FAM149B1: variants seen among roughly 807,000 people sequenced by gnomAD.
FAM149B1 encodes the protein primary cilium assembly protein FAM149B1.
A neutral mutation model predicts 75.3 loss-of-function variants in FAM149B1; 56 were observed. The ratio of observed to expected loss-of-function variants is 0.74; its 90% confidence interval spans 0.60 to 0.93. FAM149B1 has a LOEUF of 0.93. Ranked by LOEUF, FAM149B1 falls within the 40% of genes least tolerant of loss-of-function variation. The probability of loss-of-function intolerance (pLI) is 0.00; values close to 1 mark genes in which losing one functional copy is unlikely to be tolerated. For synonymous variants in FAM149B1, 259 were observed against 256.1 expected (o/e 1.01, Z -0.11); for missense variants, 639 against 708.4 (o/e 0.90, Z 1.11).
intron 5 of FAM149B1, among the ~76,000 whole-genome samples, chr10:73,202,032 G>C (rs1358745704): frequency 6.6e-6 from 1 of 152,126 alleles, no homozygotes; most frequent in East Asian, 1.9e-4. Flanking sequence ...AGGCGTGGTG[G>C]CACACACCTG....
intron 8 of FAM149B1, among the ~76,000 whole-genome samples, chr10:73,229,235 G>A (rs966752258): frequency 1.3e-5 from 2 of 151,894 alleles, no homozygotes; most frequent in Non-Finnish European, 2.9e-5. Flanking sequence ...GTTTCCTGGT[G>A]TTACTTTTAA....
Position 73,235,313 on chromosome 10 carries a change from T to C in FAM149B1, c.1597T>C (p.Phe533Leu), listed in dbSNP as rs1458735654. Reference sequence around the variant, plus strand: ...CCCCAGGCCCAACACAACTCAATCATTTTTGGTAGAGTGACGTACTTCCTA... The same window carrying C: ...CCCCAGGCCCAACACAACTCAATCACTTTTGGTAGAGTGACGTACTTCCTA... ...FFPRPNTTQS[F>L]LLDTQYRRSC... Residue 533 changes from phenylalanine to leucine, a missense_variant, in exon 12 of 14, where the codon TTT becomes CTT. Physicochemically the swap from Phe to Leu is conservative, Grantham distance 22 (BLOSUM62 0). Coordinates refer to ENST00000242505, the MANE Select transcript of FAM149B1 (RefSeq NM_173348.2). The C allele has an allele frequency of 2.6e-5, 40 of 1,551,864 alleles. No homozygotes were observed. Among genetic ancestry groups the C allele is most frequent in the Non-Finnish European group, 3.2e-5 (37 of 1,147,044 alleles).
intron 1 of FAM149B1, among the ~76,000 whole-genome samples, chr10:73,174,312 C>T (rs570501519): frequency 1.2e-4 from 18 of 152,152 alleles, no homozygotes; most frequent in Non-Finnish European, 2.4e-4. Context: ...TTCTCCACAT[C>T]CATGCCTGCA....
intron 13 of FAM149B1, 110 bp from the exon 14 acceptor site, chr10:73,240,836 C>A (rs573465038): frequency 8.8e-6 from 6 of 685,192 alleles, no homozygotes; most frequent in Non-Finnish European, 1.6e-5. Flanking sequence ...TGCTTTCATA[C>A]CTTAAGAAAG....
At chr10:73,232,219 G>GAA (rs11426576) in intron 9 of FAM149B1, among the ~76,000 whole-genome samples, 4 of 150,904 alleles carry the variant, frequency 2.7e-5, no homozygotes, top group African/African-American at 7.3e-5. Flanking sequence ...TGCTTTAAAA[G>GAA]AAAAAAAAAT....
In FAM149B1 at chr10:73,241,152, A is replaced by G; in HGVS notation, c.*133A>G. Reference sequence around the variant, plus strand: ...CTTCATGAAGAGTGATTTTGGCACAAGTGACCGAAGAACAAAACACCATAG... The same window carrying G: ...CTTCATGAAGAGTGATTTTGGCACAGGTGACCGAAGAACAAAACACCATAG... On this transcript the variant is annotated 3_prime_UTR_variant, in exon 14 of 14. Transcript: ENST00000242505. 1 of 664,734 alleles carries G rather than the reference A, an allele frequency of 1.5e-6. No individual in the cohort carries two copies. Among genetic ancestry groups the G allele is most frequent in the Non-Finnish European group, 2.7e-6 (1 of 369,076 alleles). The allele number at this position is 664,734 out of a possible 1,614,324, so 41.2% of individuals were successfully genotyped here.
intron 7 of FAM149B1, among the ~76,000 whole-genome samples, chr10:73,224,484 T>C (rs897732126): frequency 9.9e-5 from 15 of 151,218 alleles, no homozygotes; most frequent in Non-Finnish European, 2.2e-4. Flanking sequence ...TTTTTTTTTT[T>C]TTTTTTTGAG....
intron 1 of FAM149B1, 43 bp from the exon 2 acceptor site, chr10:73,174,644 A>AT (rs1056540868): frequency 1.4e-6 from 2 of 1,382,382 alleles, no homozygotes; most frequent in South Asian, 1.2e-5. Context: ...AATTGTATGT[A>AT]TTTTTTTATA....
intron 5 of FAM149B1, chr10:73,200,553 T>C (rs1376926435): frequency 2.7e-6 from 2 of 747,166 alleles, no homozygotes; most frequent in African/African-American, 1.8e-5. Flanking sequence ...ATGTTTGTTT[T>C]GGATGAAGCA....
intron 6 of FAM149B1, among the ~76,000 whole-genome samples, chr10:73,209,877 T>C (rs571803535): frequency 7.1e-6 from 1 of 140,602 alleles, no homozygotes; most frequent in African/African-American, 3.1e-5. Flanking sequence ...TGATTCTGGA[T>C]GCATTTTTTT....
intron 5 of FAM149B1, among the ~76,000 whole-genome samples, chr10:73,204,722 G>A (rs1415525089): frequency 6.6e-6 from 1 of 150,860 alleles, no homozygotes; most frequent in Admixed American, 6.6e-5. Context: ...CTGAAATAAG[G>A]ATATAACCTC....
chr10:73,171,592 A>G (rs1330347074), intron 1 of FAM149B1, among the ~76,000 whole-genome samples: 2 of 151,828 alleles, frequency 1.3e-5, no homozygotes, highest in African/African-American at 4.8e-5. Flanking sequence ...AACAAAGTTA[A>G]TATATTTGCT....
chr10:73,194,864 A>G (rs910858587), intron 5 of FAM149B1, among the ~76,000 whole-genome samples: 1 of 151,570 alleles, frequency 6.6e-6, no homozygotes, highest in African/African-American at 2.4e-5. Context: ...TTGTATTTTT[A>G]GTAGAAACAG....
chr10:73,193,640 G>C (rs570105713), intron 5 of FAM149B1, 47 bp downstream of exon 5: 1 of 1,522,774 alleles, frequency 6.6e-7, no homozygotes, highest in East Asian at 2.5e-5. Context: ...TAATATGCAA[G>C]TATTATGTCC....
chr10:73,199,460 A>G (rs908824345), intron 5 of FAM149B1, among the ~76,000 whole-genome samples: 1 of 151,692 alleles, frequency 6.6e-6, no homozygotes. Context: ...CTCATGGTCC[A>G]CCCTCCTCAG....
chr10:73,233,158 C>T lies in FAM149B1; in HGVS notation c.1347C>T (p.Ala449=). ...PRSVEEILRG[A]RVPVAPDSLS... ...CTGTGGAAGAAATCCTCAGAGGAGC[C>T]CGAGTGTAGGTTTCAAAAGCAGAAC... Residue 449 remains alanine, a synonymous_variant, in exon 10 of 14, where the codon GCC becomes GCT. Coordinates refer to ENST00000242505, the MANE Select transcript of FAM149B1 (RefSeq NM_173348.2). The T allele has an allele frequency of 6.5e-7, 1 of 1,549,266 alleles. No homozygotes were observed. Among genetic ancestry groups the T allele is most frequent in the South Asian group, 1.2e-5 (1 of 84,002 alleles).
At chr10:73,210,953 A>G (rs2043175718) in intron 7 of FAM149B1, among the ~76,000 whole-genome samples, 1 of 152,078 alleles carries the variant, frequency 6.6e-6, no homozygotes, top group Non-Finnish European at 1.5e-5. Context: ...TTCCCCCACA[A>G]CCCAAGCAAT....
At chr10:73,215,038 A>G (rs1389575004) in intron 7 of FAM149B1, among the ~76,000 whole-genome samples, 1 of 151,912 alleles carries the variant, frequency 6.6e-6, no homozygotes, top group Non-Finnish European at 1.5e-5. Flanking sequence ...TTTGGAACAG[A>G]GTCTCACTCT....
At chr10:73,239,490 AT>A in intron 13 of FAM149B1, 106 bp downstream of exon 13, 1 of 823,116 alleles carries the variant, frequency 1.2e-6, no homozygotes, top group Admixed American at 2.7e-5. Flanking sequence ...ATTTTCTTGG[AT>A]TTAATGTTTT....
Sources: gnomAD v4.1 joint callset for allele counts (sites outside exome capture counted in the v4.1 genomes callset) on GRCh38, gnomAD v4.1.1 for gene constraint, MANE v1.5 for transcripts, NCBI Gene and HGNC (gene_info 2026-07-23, HGNC 2026-07-21) for gene names.